Variants in ERICH5 observed in about 807,000 individuals in gnomAD.
The protein encoded by ERICH5 is glutamate rich 5.
In ERICH5, 24 loss-of-function variants were observed where a neutral mutation model predicts 28.0. The ratio of observed to expected loss-of-function variants is 0.86; its 90% CI spans 0.62 to 1.21. The LOEUF is 1.21. ERICH5 is among the 50% of genes most tolerant of loss of function. ERICH5 has a pLI of 0.00. For synonymous variants in ERICH5, 163 were observed against 157.6 expected, an observed-to-expected ratio of 1.03 and a Z score of -0.25; for missense variants, 421 against 441.2, an observed-to-expected ratio of 0.95 and a Z score of 0.41.
chr8:98,069,903 C>T (rs1437405857), intron 1 of ERICH5, among the ~76,000 whole-genome samples: 5 of 152,190 alleles, frequency 3.3e-5, no homozygotes, highest in Non-Finnish European at 7.3e-5. Context: ...ACACATGGGA[C>T]AGAAGTCAGG....
chr8:98,067,214 T>C (rs1325802121), intron 1 of ERICH5, among the ~76,000 whole-genome samples: 1 of 152,130 alleles, frequency 6.6e-6, no homozygotes, highest in Non-Finnish European at 1.5e-5. Context: ...ATGAGAGGAT[T>C]GCTTGAGGCC....
intron 2 of ERICH5, among the ~76,000 whole-genome samples, chr8:98,091,919 TC>T (rs1439811250): frequency 7.2e-5 from 6 of 82,948 alleles, no homozygotes; most frequent in African/African-American, 2.5e-4. Context: ...CTTTCTTTCT[TC>T]CTTTCTTTCT....
chr8:98,081,264 C>T (rs988697740), intron 1 of ERICH5, among the ~76,000 whole-genome samples: 4 of 151,950 alleles, frequency 2.6e-5, no homozygotes, highest in African/African-American at 7.3e-5. Flanking sequence ...CACCACCATA[C>T]CCAGCTAATT....
At chr8:98,077,344 G>T (rs1363256675) in intron 1 of ERICH5, among the ~76,000 whole-genome samples, 1 of 152,106 alleles carries the variant, frequency 6.6e-6, no homozygotes, top group Non-Finnish European at 1.5e-5. Flanking sequence ...TCCTTTCCTT[G>T]TTCAGTGAGA....
chr8:98,093,509 G>A lies in ERICH5; in HGVS notation c.*176G>A. The A allele has an allele frequency of 2.2e-6, 1 of 457,374 alleles. No homozygotes were observed. Among genetic ancestry groups the A allele is most frequent in the Non-Finnish European group, 3.9e-6 (1 of 258,220 alleles). The allele number at this position is 457,374 out of a possible 1,614,324, so 28.3% of individuals were successfully genotyped here. On this transcript the variant is annotated 3_prime_UTR_variant, in exon 3 of 3. Transcript: ENST00000318528. ...TCTGTGTTCTTGATTATATTGTTCT[G>A]CAAAACTGCTAAGCCATGAACAGTT...
intron 1 of ERICH5, among the ~76,000 whole-genome samples, chr8:98,088,346 T>TTCAC (rs1158869541): frequency 6.6e-6 from 1 of 152,206 alleles, no homozygotes; most frequent in Non-Finnish European, 1.5e-5. Context: ...AGAAGAGAGA[T>TTCAC]TCACTGCTGT....
intron 1 of ERICH5, among the ~76,000 whole-genome samples, chr8:98,068,888 G>A (rs561669885): frequency 6.6e-6 from 1 of 152,330 alleles, no homozygotes; most frequent in East Asian, 1.9e-4. Flanking sequence ...ACTTTCACTA[G>A]CTGCTTGCTG....
chr8:98,091,900 C>CTTCCTTTCTTTCTTTCTTT lies in ERICH5; in HGVS notation c.1013-1321_1013-1320insTTCCTTTCTTTCTTTCTTT. ...TCTTTCTTTCTTTCTTTCTTTCTTT[C>CTTCCTTTCTTTCTTTCTTT]CTTTCTTTCTTTCTTTCTTCCTTTC... On this transcript the variant is annotated intron_variant, in intron 2 of 2. Coordinates refer to ENST00000318528, the MANE Select transcript of ERICH5 (RefSeq NM_173549.3). Among the ~76,000 whole-genome samples the CTTCCTTTCTTTCTTTCTTT allele has an allele frequency of 1.2e-3, 92 of 74,710 alleles. 2 individuals carry two copies. Among genetic ancestry groups the CTTCCTTTCTTTCTTTCTTT allele is most frequent in the African/African-American group, 4.9e-3 (88 of 17,844 alleles). The allele number at this position is 74,710 out of a possible 152,430, so 49.0% of individuals were successfully genotyped here.
chr8:98,092,057 G>A (rs1815419668), intron 2 of ERICH5, among the ~76,000 whole-genome samples: 2 of 80,038 alleles, frequency 2.5e-5, no homozygotes, highest in African/African-American at 8.9e-5. Flanking sequence ...GGAGTGCAGT[G>A]ATGCAATCAC....
rs558562128 is a variant in ERICH5 at position 98,075,087 on chromosome 8, G to A, written c.58+10360G>A. Among the ~76,000 whole-genome samples the A allele has an allele frequency of 5.9e-5, 9 of 152,090 alleles. No homozygotes were observed. In the East Asian group the frequency reaches 1.5e-3, roughly 26 times the overall value. On this transcript the variant is annotated intron_variant, in intron 1 of 2. Transcript: ENST00000318528. ...TTCTCATGATGACACTGGAGTTATG[G>A]GTTTTTGGGAGGAAGACCACAGAGA...
At chr8:98,085,453 G>A (rs1198540931) in intron 1 of ERICH5, among the ~76,000 whole-genome samples, 1 of 151,974 alleles carries the variant, frequency 6.6e-6, no homozygotes, top group Non-Finnish European at 1.5e-5. Flanking sequence ...GTGAGCCACC[G>A]CTCCCGGCCG....
intron 1 of ERICH5, among the ~76,000 whole-genome samples, chr8:98,073,422 C>CTT (rs1250823723): frequency 9.5e-5 from 2 of 20,976 alleles, no homozygotes; most frequent in Non-Finnish European, 1.6e-4. Context: ...CTCTCTCTCT[C>CTT]TCTCTCTCTC....
chr8:98,073,131 G>A (rs1221748077), intron 1 of ERICH5, among the ~76,000 whole-genome samples: 1 of 151,808 alleles, frequency 6.6e-6, no homozygotes, highest in Non-Finnish European at 1.5e-5. Context: ...AGTTAGACTG[G>A]GTTCAAATCC....
Position 98,093,205 on chromosome 8 carries a change from T to C in ERICH5, c.1013-16T>C, listed in dbSNP as rs756895678. On this transcript the variant is annotated splice_polypyrimidine_tract_variant and intron_variant, in intron 2 of 2. Coordinates refer to ENST00000318528, the MANE Select transcript of ERICH5 (RefSeq NM_173549.3). The stretch of plus-strand genomic sequence containing the variant: ...AAATAAATGTCTCTTAGTATCTCCT[T>C]TGGTTACTTTTCCAGGTGAGACAGG... The C allele has an allele frequency of 3.9e-6, 6 of 1,557,688 alleles. No homozygotes were observed. The East Asian group carries it at 1.3e-4, about 35-fold the overall frequency.
chr8:98,081,758 A>G (rs1214133812), intron 1 of ERICH5, among the ~76,000 whole-genome samples: 1 of 151,962 alleles, frequency 6.6e-6, no homozygotes, highest in East Asian at 1.9e-4. Context: ...AGAAACCCCC[A>G]TCTCTACTAA....
At chr8:98,068,670 T>C (rs906503417) in intron 1 of ERICH5, among the ~76,000 whole-genome samples, 1 of 152,198 alleles carries the variant, frequency 6.6e-6, no homozygotes, top group African/African-American at 2.4e-5. Flanking sequence ...CTCCCAGTGT[T>C]CCTAGCCCTC....
At chr8:98,066,341 T>G (rs1435049306) in intron 1 of ERICH5, among the ~76,000 whole-genome samples, 1 of 152,206 alleles carries the variant, frequency 6.6e-6, no homozygotes, top group Non-Finnish European at 1.5e-5. Flanking sequence ...CATGCTGTGC[T>G]TCAGTTATCC....
chr8:98,085,134 G>A (rs1453102214), intron 1 of ERICH5, among the ~76,000 whole-genome samples: 1 of 115,056 alleles, frequency 8.7e-6, no homozygotes, highest in African/African-American at 3.1e-5. Flanking sequence ...ACGTTCCACA[G>A]CCTTTTTTTT....
At chr8:98,083,786 T>G (rs1006274815) in intron 1 of ERICH5, among the ~76,000 whole-genome samples, 3 of 152,182 alleles carry the variant, frequency 2.0e-5, no homozygotes, top group African/African-American at 4.8e-5. Context: ...GCCACCAGGA[T>G]GTAAAATCTA....
Sources: gnomAD v4.1 joint callset for allele counts (sites outside exome capture counted in the v4.1 genomes callset) on GRCh38, gnomAD v4.1.1 for gene constraint, MANE v1.5 for transcripts, NCBI Gene and HGNC (gene_info 2026-07-23, HGNC 2026-07-21) for gene names.